Variants in WDPCP observed in about 807,000 individuals in gnomAD.
WDPCP encodes WD repeat-containing and planar cell polarity effector protein fritz homolog.
In WDPCP, 71 loss-of-function variants were observed where a neutral mutation model predicts 93.1. The ratio of observed to expected loss-of-function variants is 0.76; its 90% CI spans 0.63 to 0.93. The LOEUF is 0.93. Ranked by LOEUF, WDPCP falls within the 40% of genes least tolerant of loss-of-function variation. WDPCP has a pLI of 0.00. For synonymous variants in WDPCP, 315 were observed against 315.0 expected, an observed-to-expected ratio of 1.00 and a Z score of 0.00; for missense variants, 844 against 887.4, an observed-to-expected ratio of 0.95 and a Z score of 0.62.
At chr2:63,708,990 G>A (rs1031513981) in intron 2 of WDPCP, among the ~76,000 whole-genome samples, 5 of 150,034 alleles carry the variant, frequency 3.3e-5, no homozygotes, top group African/African-American at 1.2e-4. Flanking sequence ...GGAGGCCGAG[G>A]GGGGTGGATC....
intron 13 of WDPCP, among the ~76,000 whole-genome samples, chr2:63,310,473 T>C (rs1211058252): frequency 1.3e-5 from 2 of 152,012 alleles, no homozygotes; most frequent in African/African-American, 2.4e-5. Flanking sequence ...ATCAGCAAAC[T>C]GTGACCTGCC....
intron 10 of WDPCP, among the ~76,000 whole-genome samples, chr2:63,393,814 A>G (rs954742801): frequency 1.4e-4 from 21 of 152,144 alleles, no homozygotes. Flanking sequence ...AACAAAAACA[A>G]GCAGGGAAAG....
intron 2 of WDPCP, among the ~76,000 whole-genome samples, chr2:63,662,061 G>A (rs1429271057): frequency 6.6e-6 from 1 of 152,158 alleles, no homozygotes; most frequent in Non-Finnish European, 1.5e-5. Flanking sequence ...GATCATGGTG[G>A]TCACATAATC....
At chr2:63,656,339 C>G (rs1434295174) in intron 2 of WDPCP, among the ~76,000 whole-genome samples, 1 of 152,146 alleles carries the variant, frequency 6.6e-6, no homozygotes, top group East Asian at 1.9e-4. Context: ...TTGGTTGGCC[C>G]CAGATGCAGA....
intron 3 of WDPCP, among the ~76,000 whole-genome samples, chr2:63,606,237 C>T (rs530343169): frequency 5.3e-5 from 8 of 152,090 alleles, no homozygotes; most frequent in South Asian, 2.1e-4. Flanking sequence ...AATAATTAGC[C>T]GGGCATGGTG....
Position 63,622,209 on chromosome 2 carries a change from G to T in WDPCP, n.488+28450C>A. On this transcript the variant is annotated intron_variant and non_coding_transcript_variant, in intron 3 of 4. Transcript: ENST00000467687. ...CTGTTGCTGCTGCTGCTGCTTCTTG[G>T]TGGCCGCCTTGCTGGCGAGGTCCTT... The T allele has an allele frequency of 1.9e-6, 3 of 1,603,422 alleles. No homozygotes were observed. In the South Asian group the frequency reaches 3.4e-5, roughly 18 times the overall value.
At chr2:63,341,916 TTG>T (rs1171005472) in intron 12 of WDPCP, among the ~76,000 whole-genome samples, 1 of 152,202 alleles carries the variant, frequency 6.6e-6, no homozygotes, top group Non-Finnish European at 1.5e-5. Context: ...TTGAACCTAT[TTG>T]TGTCTTTGGA....
chr2:63,690,691 T>C (rs1428012033), intron 2 of WDPCP, among the ~76,000 whole-genome samples: 1 of 152,066 alleles, frequency 6.6e-6, no homozygotes, highest in Admixed American at 6.6e-5. Context: ...CAGTGAACCA[T>C]GATCGTGCCA....
intron 3 of WDPCP, among the ~76,000 whole-genome samples, chr2:63,596,458 CA>C (rs1709313378): frequency 6.6e-6 from 1 of 152,184 alleles, no homozygotes. Context: ...TGCTTTTTCC[CA>C]TTTGTATTCC....
intron 1 of WDPCP, among the ~76,000 whole-genome samples, chr2:63,529,391 C>G (rs997092959): frequency 6.6e-6 from 1 of 152,118 alleles, no homozygotes; most frequent in African/African-American, 2.4e-5. Context: ...TATGTCCCAC[C>G]AATACCTAGT....
intron 9 of WDPCP, among the ~76,000 whole-genome samples, chr2:63,411,249 T>C (rs1694999617): frequency 6.6e-6 from 1 of 151,968 alleles, no homozygotes; most frequent in African/African-American, 2.4e-5. Flanking sequence ...ACCTTGCAAA[T>C]ACATGGAAAT....
chr2:63,805,174 A>G (rs984151088), intron 2 of WDPCP, among the ~76,000 whole-genome samples: 4 of 152,192 alleles, frequency 2.6e-5, no homozygotes, highest in Non-Finnish European at 5.9e-5. Context: ...GACAATTTAC[A>G]ATTTAAATCA....
intron 12 of WDPCP, among the ~76,000 whole-genome samples, chr2:63,324,657 A>G (rs1002806366): frequency 6.6e-6 from 1 of 152,232 alleles, no homozygotes; most frequent in Non-Finnish European, 1.5e-5. Flanking sequence ...CTGCAGCCCA[A>G]GAGTTTGGAG....
intron 2 of WDPCP, among the ~76,000 whole-genome samples, chr2:63,748,735 G>A (rs1212482416): frequency 6.6e-6 from 1 of 151,990 alleles, no homozygotes; most frequent in Non-Finnish European, 1.5e-5. Context: ...ATTCCTTGTA[G>A]CTCTTGCTTT....
chr2:63,772,877 C>T (rs890178020), intron 2 of WDPCP, among the ~76,000 whole-genome samples: 4 of 152,030 alleles, frequency 2.6e-5, no homozygotes, highest in Non-Finnish European at 5.9e-5. Context: ...CCTCCTGATA[C>T]TGGGATCAAG....
intron 3 of WDPCP, chr2:63,644,128 G>T: frequency 3.0e-6 from 1 of 332,984 alleles, no homozygotes; most frequent in Non-Finnish European, 5.9e-6. Context: ...TTGCATCAAT[G>T]TTCATCAGGG....
At chr2:63,274,231 A>G (rs1026013224) in intron 13 of WDPCP, among the ~76,000 whole-genome samples, 1 of 152,134 alleles carries the variant, frequency 6.6e-6, no homozygotes, top group African/African-American at 2.4e-5. Context: ...AAATTAAACA[A>G]TATGTTCCTC....
At chr2:63,128,904 G>A (rs987247816) in intron 17 of WDPCP, among the ~76,000 whole-genome samples, 1 of 152,198 alleles carries the variant, frequency 6.6e-6, no homozygotes, top group Non-Finnish European at 1.5e-5. Context: ...CTGACCTCAG[G>A]TGATCCACCC....
At chr2:63,365,662 G>C (rs1054529605) in intron 12 of WDPCP, among the ~76,000 whole-genome samples, 1 of 152,128 alleles carries the variant, frequency 6.6e-6, no homozygotes, top group African/African-American at 2.4e-5. Flanking sequence ...GGTTCGCTCA[G>C]CCCAAAGTAA....
Sources: gnomAD v4.1 joint callset for allele counts (sites outside exome capture counted in the v4.1 genomes callset) on GRCh38, gnomAD v4.1.1 for gene constraint, MANE v1.5 for transcripts, NCBI Gene and HGNC (gene_info 2026-07-23, HGNC 2026-07-21) for gene names.